The following TUSC3 variants were observed in gnomAD, a reference collection of about 807,000 sequenced individuals.
TUSC3 encodes dolichyl-diphosphooligosaccharide--protein glycosyltransferase subunit TUSC3.
TUSC3 carries 45 observed loss-of-function variants against 44.8 expected under a neutral mutation model. The observed-to-expected ratio is 1.00, with a 90% CI of 0.79 to 1.29. The LOEUF (loss-of-function observed/expected upper bound fraction) is 1.29, where lower values mean the gene tolerates loss of function less well. Ranked by LOEUF, TUSC3 falls within the 50% of genes most tolerant of loss-of-function variation. TUSC3 has a pLI of 0.00. For synonymous variants in TUSC3, 212 were observed against 152.9 expected (o/e 1.39, Z -2.85); for missense variants, 519 against 437.9 (o/e 1.19, Z -1.65).
the TUSC3 span, among the ~76,000 whole-genome samples, chr8:15,779,881 A>G: frequency 9.0e-4 from 137 of 152,276 alleles, no homozygotes; most frequent in African/African-American, 3.2e-3. Flanking sequence ...AGTCTGTGTC[A>G]TACTTAATGG....
rs149079934 is a variant in TUSC3, at chr8:15,641,532, G to T, written c.309-9165G>T. 3.2e-4 allele frequency among the ~76,000 whole-genome samples: 48 copies of T among 152,246 alleles called. 1 individual carries two copies. The highest frequency in any genetic ancestry group is 1.0e-3 in the African/African-American group (43 of 41,554). On this transcript the variant is annotated intron_variant, in intron 2 of 10. Transcript: ENST00000503731. ...AGGTCTGAAAATGCAAATAGTCAAT[G>T]AATTTTAAGCTAGATGGTGGGTACC...
At chr8:15,473,200 A>G (rs1207137017) in intron 1 of TUSC3, among the ~76,000 whole-genome samples, 1 of 152,174 alleles carries the variant, frequency 6.6e-6, no homozygotes, top group Non-Finnish European at 1.5e-5. Flanking sequence ...TGAGTTGTCA[A>G]TATTATATTT....
At chr8:15,485,802 G>GT (rs34156952) in intron 2 of TUSC3, among the ~76,000 whole-genome samples, 1 of 151,328 alleles carries the variant, frequency 6.6e-6, no homozygotes, top group African/African-American at 2.4e-5. Flanking sequence ...TTGTTTGTTT[G>GT]TTTTTTTGAG....
intron 4 of TUSC3, among the ~76,000 whole-genome samples, chr8:15,660,033 G>A (rs1318445295): frequency 6.6e-6 from 1 of 152,030 alleles, no homozygotes; most frequent in African/African-American, 2.4e-5. Context: ...GTGGAAAAAT[G>A]TCTACTCAGA....
chr8:15,666,704 A>G (rs1362107400), intron 5 of TUSC3, among the ~76,000 whole-genome samples: 1 of 151,376 alleles, frequency 6.6e-6, no homozygotes, highest in East Asian at 1.9e-4. Context: ...CTCTTTAAAA[A>G]TGAGAAGCAA....
At chr8:15,545,189 C>T (rs1347099414) in intron 1 of TUSC3, among the ~76,000 whole-genome samples, 1 of 151,330 alleles carries the variant, frequency 6.6e-6, no homozygotes, top group African/African-American at 2.4e-5. Flanking sequence ...GTATTACTGT[C>T]ATAACTATTA....
At chr8:15,447,284 T>C (rs1445574847) in intron 1 of TUSC3, among the ~76,000 whole-genome samples, 1 of 152,132 alleles carries the variant, frequency 6.6e-6, no homozygotes, top group Non-Finnish European at 1.5e-5. Flanking sequence ...CTAAGGAGTT[T>C]TGAAGGGAAA....
chr8:15,734,251 G>C (rs191830857), intron 7 of TUSC3, among the ~76,000 whole-genome samples: 1 of 152,252 alleles, frequency 6.6e-6, no homozygotes, highest in East Asian at 1.9e-4. Context: ...TAGTAAGTCA[G>C]ATTATCAGAT....
chr8:15,597,615 A>T (rs1292654056), intron 1 of TUSC3, among the ~76,000 whole-genome samples: 1 of 152,140 alleles, frequency 6.6e-6, no homozygotes, highest in Non-Finnish European at 1.5e-5. Flanking sequence ...TAGTTGTATA[A>T]GCTTTGAGCA....
the TUSC3 span, among the ~76,000 whole-genome samples, chr8:15,830,887 G>A: frequency 6.6e-6 from 1 of 152,132 alleles, no homozygotes; most frequent in East Asian, 1.9e-4. Flanking sequence ...ACCTGTGCAT[G>A]TACCACCTCA....
At chr8:15,587,290 ACTTCTTT>A (rs1277140659) in intron 1 of TUSC3, among the ~76,000 whole-genome samples, 4 of 152,066 alleles carry the variant, frequency 2.6e-5, no homozygotes, top group African/African-American at 9.7e-5. Context: ...TTTTTAAAAA[ACTTCTTT>A]CTGGATTTGT....
intron 2 of TUSC3, among the ~76,000 whole-genome samples, chr8:15,486,319 G>T (rs905640483): frequency 6.6e-6 from 1 of 152,146 alleles, no homozygotes; most frequent in Non-Finnish European, 1.5e-5. Flanking sequence ...GGGATAAGTG[G>T]TAATTAAAAT....
upstream of TUSC3, among the ~76,000 whole-genome samples, chr8:15,539,533 T>C (rs1265004480): frequency 2.6e-5 from 4 of 151,730 alleles, no homozygotes; most frequent in South Asian, 2.1e-4. Flanking sequence ...GTATTTTTAG[T>C]AGAAATGGGG....
chr8:15,813,085 C>T, the TUSC3 span, among the ~76,000 whole-genome samples: 1 of 151,924 alleles, frequency 6.6e-6, no homozygotes, highest in Non-Finnish European at 1.5e-5. Context: ...CAGAGTAAGA[C>T]CACGTCTCAA....
intron 1 of TUSC3, among the ~76,000 whole-genome samples, chr8:15,458,129 A>T (rs1024873323): frequency 1.3e-5 from 2 of 152,162 alleles, no homozygotes; most frequent in African/African-American, 4.8e-5. Flanking sequence ...GATGATGGTT[A>T]TGTCTAGTGA....
intron 6 of TUSC3, among the ~76,000 whole-genome samples, chr8:15,679,831 A>G (rs1329045614): frequency 6.6e-6 from 1 of 152,120 alleles, no homozygotes; most frequent in Non-Finnish European, 1.5e-5. Flanking sequence ...CTCCAGCACC[A>G]TTTATTGAAT....
At chr8:15,434,294 C>G (rs548705599) in intron 1 of TUSC3, among the ~76,000 whole-genome samples, 127 of 152,202 alleles carry the variant, frequency 8.3e-4, no homozygotes, top group African/African-American at 2.8e-3. Context: ...GGCTGTTTGT[C>G]TTTTCATTAT....
At chr8:15,646,421 T>A (rs1411154420) in intron 2 of TUSC3, among the ~76,000 whole-genome samples, 1 of 152,118 alleles carries the variant, frequency 6.6e-6, no homozygotes, top group Non-Finnish European at 1.5e-5. Context: ...GAGGCTAGAA[T>A]CTACAAATTG....
chr8:15,562,625 G>T (rs1296051798), intron 1 of TUSC3, among the ~76,000 whole-genome samples: 1 of 152,004 alleles, frequency 6.6e-6, no homozygotes, highest in Non-Finnish European at 1.5e-5. Context: ...TGAATCTCTG[G>T]GTCCTCTTCT....
Sources: gnomAD v4.1 joint callset for allele counts (sites outside exome capture counted in the v4.1 genomes callset) on GRCh38, gnomAD v4.1.1 for gene constraint, MANE v1.5 for transcripts, NCBI Gene and HGNC (gene_info 2026-07-23, HGNC 2026-07-21) for gene names.